QPCTL: variants seen among roughly 807,000 people sequenced by gnomAD.
The protein encoded by QPCTL is glutaminyl-peptide cyclotransferase-like protein.
Under a neutral mutation model 34.6 loss-of-function variants are expected in QPCTL, and 31 were observed. That is an observed-to-expected ratio of 0.90 (90% CI 0.67 to 1.21). The LOEUF is 1.21. QPCTL is among the 50% of genes most tolerant of loss of function. The probability of loss-of-function intolerance (pLI) is 0.00; values close to 1 mark genes in which losing one functional copy is unlikely to be tolerated. For synonymous variants in QPCTL, 223 were observed against 226.9 expected, an observed-to-expected ratio of 0.98 and a Z score of 0.15; for missense variants, 474 against 507.8, an observed-to-expected ratio of 0.93 and a Z score of 0.64.
chr19:45,694,608 T>C (rs779083956), intron 2 of QPCTL, among the ~76,000 whole-genome samples: 12 of 150,972 alleles, frequency 7.9e-5, no homozygotes, highest in Non-Finnish European at 1.8e-4. Context: ...GTAGCTGGGA[T>C]TACAGGTGTG....
rs770422999 is a variant in QPCTL at position 45,695,432 on chromosome 19, G to A, written c.352-5G>A. 22 of 1,504,074 alleles carry A rather than the reference G, an allele frequency of 1.5e-5. No individual in the cohort carries two copies. Among genetic ancestry groups the A allele is most frequent in the Admixed American group, 8.9e-5 (5 of 56,270 alleles). 93.2% of individuals were successfully genotyped at this position (1,504,074 alleles called of 1,614,324 possible). A position where few individuals can be genotyped will look rare whatever the true frequency, so the allele number is the denominator to read the frequency against. ...TCCACCCTCCCACCTCTCTCTTGCC[G>A]CTAGTTCCTGGAGGCCACGCTGCGG... is the stretch of plus-strand genomic sequence containing the variant. On this transcript the variant is annotated splice_region_variant and splice_polypyrimidine_tract_variant and intron_variant, in intron 2 of 6. Transcript: ENST00000012049.
intron 5 of QPCTL, among the ~76,000 whole-genome samples, chr19:45,701,042 G>A (rs1967800588): frequency 6.6e-6 from 1 of 151,746 alleles, no homozygotes; most frequent in South Asian, 2.1e-4. Context: ...ACCAAGGCAG[G>A]AAGATCACAT....
chr19:45,692,785 C>G lies in QPCTL; in HGVS notation c.82C>G (p.Arg28Gly), dbSNP rs375377012. The change falls in exon 1 of 7, where the codon CGC becomes GGC. Residue 28 changes from arginine to glycine, a missense_variant. Transcript: ENST00000012049. ...LMEPLLPPKRRLLPRVRLLPL... is the reference protein window; with the variant it reads ...LMEPLLPPKRGLLPRVRLLPL... ...GGAGCCACTCTTGCCGCCGAAGCGC[C>G]GCCTGCTACCGCGGGTTCGGCTCTT... 4.7e-5 allele frequency: 74 copies of G among 1,585,528 alleles called. No individual in the cohort carries two copies. Among genetic ancestry groups the G allele is most frequent in the Admixed American group, 2.1e-4 (12 of 56,028 alleles).
At chr19:45,692,994 C>G (rs1389150140) in intron 1 of QPCTL, 84 bp downstream of exon 1, 1 of 1,348,646 alleles carries the variant, frequency 7.4e-7, no homozygotes, top group Non-Finnish European at 1.0e-6. Context: ...CTTTAGCGTA[C>G]GGCCCTAACC....
intron 6 of QPCTL, 81 bp downstream of exon 6, chr19:45,701,995 T>A: frequency 1.8e-6 from 2 of 1,140,600 alleles, no homozygotes; most frequent in Non-Finnish European, 2.6e-6. Flanking sequence ...TTCCCAGGGC[T>A]GGGGAATGGT....
chr19:45,698,998 T>C (rs2146130085), intron 5 of QPCTL, 98 bp downstream of exon 5: 1 of 955,572 alleles, frequency 1.0e-6, no homozygotes, highest in East Asian at 2.6e-5. Context: ...TAAAGGCTCA[T>C]CCACCAGTCT....
At chr19:45,700,410 C>T (rs113664336) in intron 5 of QPCTL, among the ~76,000 whole-genome samples, 3,322 of 151,982 alleles carry the variant, frequency 0.022, 138 homozygotes, top group African/African-American at 0.076. Context: ...TGCCACTGCA[C>T]TCCAGCCTGG....
At chr19:45,698,343 C>G (rs1032361223) in intron 3 of QPCTL, 3 of 580,994 alleles carry the variant, frequency 5.2e-6, no homozygotes, top group Non-Finnish European at 8.9e-6. Context: ...GTAACTTCCC[C>G]ATGCCTGCTT....
At chr19:45,700,326 T>C (rs576790157) in intron 5 of QPCTL, among the ~76,000 whole-genome samples, 1 of 151,476 alleles carries the variant, frequency 6.6e-6, no homozygotes, top group Non-Finnish European at 1.5e-5. Flanking sequence ...GTGCCTGTAG[T>C]CCTAGCTACT....
intron 1 of QPCTL, 141 bp downstream of exon 1, chr19:45,693,051 G>A (rs1967605463): frequency 2.1e-6 from 2 of 934,726 alleles, no homozygotes; most frequent in Non-Finnish European, 3.1e-6. Context: ...CCTTACCAAA[G>A]GAATAAGGCT....
Position 45,702,906 on chromosome 19 carries a change from G to T in QPCTL, c.1006G>T (p.Val336Leu). 2 of 1,614,102 alleles carry T rather than the reference G, an allele frequency of 1.2e-6. No homozygotes were observed. The highest frequency in any genetic ancestry group is 2.2e-5 in the East Asian group (1 of 44,880). ...CAAAGTCTCCTCTGTCACTTCAGGG[G>T]TACCCGTGCTCCATCTCATCTCCAC... is the stretch of plus-strand genomic sequence containing the variant. ...DDHIPFLRRG[V>L]PVLHLISTPF... Residue 336 changes from valine to leucine, a missense_variant and splice_region_variant, in exon 7 of 7, where the codon GTA becomes TTA. By Grantham distance (32) the Val-to-Leu change is conservative (BLOSUM62 1). Coordinates refer to ENST00000012049, the MANE Select transcript of QPCTL (RefSeq NM_017659.4).
chr19:45,700,569 G>A (rs887832758), intron 5 of QPCTL, among the ~76,000 whole-genome samples: 1 of 152,108 alleles, frequency 6.6e-6, no homozygotes, highest in African/African-American at 2.4e-5. Flanking sequence ...ACCAGACAGG[G>A]GCTCTAAGGT....
At chr19:45,701,329 G>A (rs111713189) in intron 5 of QPCTL, among the ~76,000 whole-genome samples, 22,830 of 150,702 alleles carry the variant, frequency 0.15, 1,906 homozygotes, top group Admixed American at 0.22. Flanking sequence ...AGGCTGGAGT[G>A]CAGTGGTGCA....
chr19:45,692,670 C>G lies in QPCTL; in HGVS notation c.-34C>G. On this transcript the variant is annotated 5_prime_UTR_variant, in exon 1 of 7. Transcript: ENST00000012049. The stretch of plus-strand genomic sequence containing the variant: ...AACTTGGCTGGGCCTAAACTCAATC[C>G]GTGGTCTGGTACAGGTTTCAGGGCA... The G allele has an allele frequency of 6.8e-7, 1 of 1,462,856 alleles. No individual in the cohort carries two copies. Among genetic ancestry groups the G allele is most frequent in the Non-Finnish European group, 9.1e-7 (1 of 1,098,842 alleles). The allele number at this position is 1,462,856 out of a possible 1,614,324, so 90.6% of individuals were successfully genotyped here.
Position 45,692,671 on chromosome 19 carries a change from G to A in QPCTL, c.-33G>A. 3.4e-6 allele frequency: 5 copies of A among 1,463,700 alleles called. 1 individual carries two copies. Among genetic ancestry groups the A allele is most frequent in the Non-Finnish European group, 4.5e-6 (5 of 1,099,172 alleles). 90.7% of individuals were successfully genotyped at this position (1,463,700 alleles called of 1,614,324 possible). A position where few individuals can be genotyped will look rare whatever the true frequency, so the allele number is the denominator to read the frequency against. ...ACTTGGCTGGGCCTAAACTCAATCC[G>A]TGGTCTGGTACAGGTTTCAGGGCAA... On this transcript the variant is annotated 5_prime_UTR_variant, in exon 1 of 7. In the 5' UTR this introduces an upstream ATG that the reference lacks. Transcript: ENST00000012049.
Position 45,698,438 on chromosome 19 carries a change from G to A in QPCTL, c.634-109G>A, listed in dbSNP as rs1365981229. ...TTGGCTACCACGTTCTATGAGTGAG[G>A]ACACCTTATGTGTTCTCTTAAGCAT... is the stretch of plus-strand genomic sequence containing the variant. On this transcript the variant is annotated intron_variant, in intron 3 of 6. Coordinates refer to ENST00000012049, the MANE Select transcript of QPCTL (RefSeq NM_017659.4). 6.1e-6 allele frequency: 8 copies of A among 1,315,596 alleles called. No individual in the cohort carries two copies. In the South Asian group the frequency reaches 1.1e-4, roughly 19 times the overall value. 81.5% of individuals were successfully genotyped at this position (1,315,596 alleles called of 1,614,324 possible).
chr19:45,701,842 G>C lies in QPCTL; in HGVS notation c.931G>C (p.Glu311Gln). The change falls in exon 6 of 7, where the codon GAA (glutamate) becomes CAA (glutamine). Residue 311 changes from glutamate (E) to glutamine (Q), a missense_variant. Coordinates refer to ENST00000012049, the MANE Select transcript of QPCTL (RefSeq NM_017659.4). Reference protein sequence around the residue: ...RLNLLQSHPQEVMYFQPGEPF... With the variant: ...RLNLLQSHPQQVMYFQPGEPF... ...GAACCTGCTGCAGTCTCATCCCCAG[G>C]AAGTGATGTACTTCCAACCCGGGGA... 6.2e-7 allele frequency: 1 copy of C among 1,614,018 alleles called. No individual in the cohort carries two copies. Among genetic ancestry groups the C allele is most frequent in the Non-Finnish European group, 8.5e-7 (1 of 1,179,966 alleles).
intron 3 of QPCTL, among the ~76,000 whole-genome samples, chr19:45,697,096 G>A (rs1967711577): frequency 6.6e-6 from 1 of 151,232 alleles, no homozygotes; most frequent in Non-Finnish European, 1.5e-5. Flanking sequence ...CTCCAGCCTG[G>A]ATGACAGAGC....
At chr19:45,695,323 C>T (rs1375659859) in intron 2 of QPCTL, 114 bp from the exon 3 acceptor site, 11 of 916,598 alleles carry the variant, frequency 1.2e-5, no homozygotes, top group Non-Finnish European at 1.5e-5. Flanking sequence ...TCCATTCAAT[C>T]AGAGTGGGGC....
Sources: gnomAD v4.1 joint callset for allele counts (sites outside exome capture counted in the v4.1 genomes callset) on GRCh38, gnomAD v4.1.1 for gene constraint, MANE v1.5 for transcripts, NCBI Gene and HGNC (gene_info 2026-07-23, HGNC 2026-07-21) for gene names.